The following PPEF1 variants were observed in gnomAD, a reference collection of about 807,000 sequenced individuals.
PPEF1 encodes serine/threonine-protein phosphatase with EF-hands 1.
PPEF1 carries 12 observed loss-of-function variants against 53.3 expected under a neutral mutation model. The ratio of observed to expected loss-of-function variants is 0.23; its 90% CI spans 0.14 to 0.36. The LOEUF is 0.36. Ranked by LOEUF, PPEF1 falls within the 10% of genes least tolerant of loss-of-function variation. PPEF1 has a pLI of 1.00. For synonymous variants in PPEF1, 165 were observed against 176.7 expected (o/e 0.93, Z 0.52); for missense variants, 334 against 490.4 (o/e 0.68, Z 3.01).
intron 2 of PPEF1, 149 bp downstream of exon 2, chrX:18,730,457 GT>G: frequency 1.5e-6 from 1 of 684,458 alleles, no homozygotes; most frequent in Non-Finnish European, 2.1e-6. Flanking sequence ...CTTGGAACTA[GT>G]TATTGAGAGA....
At chrX:18,789,026 CA>C (rs2046276275) in intron 9 of PPEF1, 94 bp from the exon 10 acceptor site, 1 of 1,031,868 alleles carries the variant, frequency 9.7e-7, no homozygotes, top group Admixed American at 2.7e-5. Context: ...TGGGTTGTGG[CA>C]CCACAACATA....
At chrX:18,812,950 G>A (rs2147724891) in intron 12 of PPEF1, among the ~76,000 whole-genome samples, 1 of 110,702 alleles carries the variant, frequency 9.0e-6, no homozygotes, top group Admixed American at 9.7e-5. Context: ...TGTTGCCTAG[G>A]CTGGGTCTCG....
upstream of PPEF1, among the ~76,000 whole-genome samples, chrX:18,707,166 G>A (rs1174974655): frequency 2.7e-5 from 3 of 110,832 alleles, no homozygotes; most frequent in African/African-American, 6.6e-5. Flanking sequence ...AACTTATTCC[G>A]CGAAATACTG....
intron 6 of PPEF1, among the ~76,000 whole-genome samples, chrX:18,778,330 G>A (rs995506830): frequency 4.5e-5 from 5 of 111,274 alleles, no homozygotes; most frequent in Non-Finnish European, 9.4e-5. Context: ...CTAACACTGT[G>A]TTTAAAAGTA....
chrX:18,718,459 C>T (rs2044509678), intron 1 of PPEF1, among the ~76,000 whole-genome samples: 1 of 110,683 alleles, frequency 9.0e-6, no homozygotes, highest in African/African-American at 3.3e-5. Flanking sequence ...GTAGTCCCAG[C>T]TACATAGGAG....
upstream of PPEF1, among the ~76,000 whole-genome samples, chrX:18,705,702 G>A (rs770831285): frequency 9.0e-6 from 1 of 111,347 alleles, no homozygotes; most frequent in African/African-American, 3.3e-5. Flanking sequence ...GTGACAGAGC[G>A]AGACCTTGTC....
chrX:18,744,687 C>T (rs746599057), intron 3 of PPEF1, among the ~76,000 whole-genome samples: 8 of 110,067 alleles, frequency 7.3e-5, no homozygotes, highest in African/African-American at 2.6e-4. Flanking sequence ...AACATTTTCC[C>T]CATTATATCT....
intron 10 of PPEF1, among the ~76,000 whole-genome samples, chrX:18,793,786 C>T (rs748982376): frequency 3.0e-4 from 32 of 105,453 alleles, no homozygotes; most frequent in African/African-American, 1.1e-3. Context: ...TTCCCATGCC[C>T]CTCTGGGGCT....
At chrX:18,784,395 A>G (rs998493645) in intron 9 of PPEF1, among the ~76,000 whole-genome samples, 1 of 111,764 alleles carries the variant, frequency 8.9e-6, no homozygotes, top group Non-Finnish European at 1.9e-5. Flanking sequence ...TATACATAAC[A>G]TAAAACTTGC....
chrX:18,759,937 T>C (rs1187645813), intron 5 of PPEF1, among the ~76,000 whole-genome samples: 1 of 112,021 alleles, frequency 8.9e-6, no homozygotes. Context: ...ATATTTTACC[T>C]AGAAATAGTT....
chrX:18,705,235 T>A (rs183718352), upstream of PPEF1, among the ~76,000 whole-genome samples: 1 of 111,780 alleles, frequency 8.9e-6, no homozygotes, highest in East Asian at 2.8e-4. Flanking sequence ...AGAGTTATGA[T>A]AGGTGAGTTT....
In PPEF1 at chrX:18,809,033, G is replaced by A. The variant is rs187628992; in HGVS notation, c.1394+2488G>A. Reference sequence around the variant, plus strand: ...GTGTCTATCAAGACAGAAAAAGAAAGTGTGACTGATATACGTGTGTGGATT... The same window carrying A: ...GTGTCTATCAAGACAGAAAAAGAAAATGTGACTGATATACGTGTGTGGATT... On this transcript the variant is annotated intron_variant, in intron 12 of 15. Coordinates refer to ENST00000470157, the MANE Select transcript of PPEF1 (RefSeq NM_001377996.1). Among the ~76,000 whole-genome samples, 455 of 109,751 alleles carry A rather than the reference G, an allele frequency of 4.1e-3. 1 individual carries two copies. The highest frequency in any genetic ancestry group is 0.014 in the African/African-American group (433 of 30,219).
chrX:18,676,097 C>T (rs1192306159), exon 1 of PPEF1: 1 of 110,337 alleles, frequency 9.1e-6, no homozygotes, highest in East Asian at 2.9e-4. Context: ...CAGCCAACTC[C>T]TGTCTTCCTG....
chrX:18,744,848 A>G (rs1269559962), intron 3 of PPEF1, among the ~76,000 whole-genome samples: 1 of 107,064 alleles, frequency 9.3e-6, no homozygotes, highest in Non-Finnish European at 1.9e-5. Context: ...TAAATACATC[A>G]TTTCATTTAG....
intron 8 of PPEF1, among the ~76,000 whole-genome samples, chrX:18,782,910 C>T (rs779208357): frequency 1.9e-3 from 208 of 107,593 alleles, no homozygotes; most frequent in Admixed American, 4.8e-3. Flanking sequence ...GTCAGGAGTT[C>T]GAGACCAGCC....
chrX:18,757,461 T>C (rs1046630831), intron 4 of PPEF1, among the ~76,000 whole-genome samples, 166 bp from the exon 5 acceptor site: 1 of 111,447 alleles, frequency 9.0e-6, no homozygotes, highest in African/African-American at 3.3e-5. Context: ...GGGCTTATTA[T>C]ATGCCAGACA....
intron 4 of PPEF1, chrX:18,697,775 G>C (rs1427704882): frequency 9.0e-6 from 1 of 110,732 alleles, no homozygotes; most frequent in East Asian, 2.8e-4. Flanking sequence ...CTGCTACATA[G>C]GAGGTGCTTG....
At chrX:18,705,428 A>C (rs142191746), upstream of PPEF1, among the ~76,000 whole-genome samples, 493 of 112,375 alleles carry the variant, frequency 4.4e-3, 3 homozygotes, top group Middle Eastern at 0.018. Flanking sequence ...GAATTTGGAA[A>C]TAAAGCCAAG....
intron 5 of PPEF1, among the ~76,000 whole-genome samples, chrX:18,699,515 G>GT (rs763801838): frequency 1.2e-4 from 13 of 112,232 alleles, no homozygotes; most frequent in Middle Eastern, 9.1e-3. Context: ...GCCGCGATCA[G>GT]TATAAGACTC....
Sources: gnomAD v4.1 joint callset for allele counts (sites outside exome capture counted in the v4.1 genomes callset) on GRCh38, gnomAD v4.1.1 for gene constraint, MANE v1.5 for transcripts, NCBI Gene and HGNC (gene_info 2026-07-23, HGNC 2026-07-21) for gene names.